MAPT: variants seen among roughly 807,000 people sequenced by gnomAD.
MAPT encodes the protein microtubule associated protein tau, also known as microtubule-associated protein tau.
MAPT carries 34 observed loss-of-function variants against 67.9 expected under a neutral mutation model. That is an observed-to-expected ratio of 0.50 (90% CI 0.38 to 0.67). MAPT has a LOEUF of 0.67. Among genes scored for constraint, MAPT ranks in the 30% least tolerant of loss-of-function variants. MAPT has a pLI of 0.00. For missense variants in MAPT, 881 were observed against 1,115.2 expected, an observed-to-expected ratio of 0.79 and a Z score of 2.99; for synonymous variants, 456 against 464.5, an observed-to-expected ratio of 0.98 and a Z score of 0.23.
intron 1 of MAPT, among the ~76,000 whole-genome samples, chr17:45,929,590 A>G (rs62061708): frequency 0.14 from 21,795 of 152,220 alleles, 2,119 homozygotes; most frequent in Middle Eastern, 0.22. Flanking sequence ...AAAAATGGTC[A>G]TCATCGCCAG....
At chr17:46,015,613 T>A (rs899374392) in intron 11 of MAPT, among the ~76,000 whole-genome samples, 5 of 149,788 alleles carry the variant, frequency 3.3e-5, no homozygotes, top group Non-Finnish European at 5.9e-5. Context: ...GAGCCGAGAT[T>A]GTGCCACTGC....
rs1397060945 is a variant in MAPT, at chr17:46,014,472, T to G, written c.2173+148T>G. The stretch of plus-strand genomic sequence containing the variant: ...CAAGGAAAGTGTTGAGTGTGAAACT[T>G]GCGGGAGCCCAGGAGGCGTGGTGGC... On this transcript the variant is annotated intron_variant, in intron 11 of 12. Coordinates refer to ENST00000262410, the MANE Select transcript of MAPT (RefSeq NM_001377265.1). 3 of 711,414 alleles carry G rather than the reference T, an allele frequency of 4.2e-6. No individual in the cohort carries two copies. In the East Asian group the frequency reaches 8.1e-5, roughly 19 times the overall value. The allele number at this position is 711,414 out of a possible 1,614,324, so 44.1% of individuals were successfully genotyped here. A position where few individuals can be genotyped will look rare whatever the true frequency, so the allele number is the denominator to read the frequency against.
chr17:45,934,685 C>T (rs962086937), intron 1 of MAPT, among the ~76,000 whole-genome samples: 2 of 152,334 alleles, frequency 1.3e-5, no homozygotes, highest in African/African-American at 2.4e-5. Flanking sequence ...AAATTCTGAA[C>T]CCTGCTGTCT....
intron 10 of MAPT, among the ~76,000 whole-genome samples, chr17:46,011,065 G>A (rs1384422689): frequency 6.6e-6 from 1 of 152,228 alleles, no homozygotes; most frequent in Non-Finnish European, 1.5e-5. Context: ...CCAGCGTTGA[G>A]GTGTGGCAGA....
chr17:45,939,758 G>T (rs62061727), intron 1 of MAPT, among the ~76,000 whole-genome samples: 21,827 of 152,152 alleles, frequency 0.14, 2,141 homozygotes, highest in Middle Eastern at 0.22. Flanking sequence ...AAGTCACAGA[G>T]CAGGAACAGC....
chr17:45,980,044 A>G (rs1405280747), intron 4 of MAPT: 1 of 152,162 alleles, frequency 6.6e-6, no homozygotes, highest in African/African-American at 2.4e-5. Flanking sequence ...TTCTTCTGTA[A>G]GTGTCCAGAG....
At chr17:45,904,058 A>AT (rs775510457) in intron 1 of MAPT, among the ~76,000 whole-genome samples, 42 of 14,990 alleles carry the variant, frequency 2.8e-3, no homozygotes, top group Non-Finnish European at 5.0e-3. Flanking sequence ...TATATTATAT[A>AT]TTATATATTA....
At position 46,027,391 on chromosome 17, in the gene MAPT, C is replaced by CA. The variant is rs1464026481; in HGVS notation, c.*3221dup. The stretch of plus-strand genomic sequence containing the variant: ...ACTCCTCCCCTCCCCTCACTTCTCC[C>CA]ACCTGCAGAGCCAGTGTCCTTGGGT... On this transcript the variant is annotated 3_prime_UTR_variant, in exon 13 of 13. Coordinates refer to ENST00000262410, the MANE Select transcript of MAPT (RefSeq NM_001377265.1). 6.5e-6 allele frequency: 1 copy of CA among 152,772 alleles called. No homozygotes were observed. Among genetic ancestry groups the CA allele is most frequent in the Non-Finnish European group, 1.5e-5 (1 of 68,120 alleles). The allele number at this position is 152,772 out of a possible 1,614,324, so 9.5% of individuals were successfully genotyped here. A position where few individuals can be genotyped will look rare whatever the true frequency, so the allele number is the denominator to read the frequency against.
chr17:45,965,225 T>A (rs2070928349), intron 2 of MAPT, among the ~76,000 whole-genome samples: 1 of 151,704 alleles, frequency 6.6e-6, no homozygotes, highest in South Asian at 2.1e-4. Flanking sequence ...AGGTCAGGAG[T>A]TCGAGACCAG....
Position 45,936,074 on chromosome 17 carries a change from G to A in MAPT, c.-17-26247G>A, listed in dbSNP as rs2067297155. On this transcript the variant is annotated intron_variant, in intron 1 of 12. Coordinates refer to ENST00000262410, the MANE Select transcript of MAPT (RefSeq NM_001377265.1). ...TTGCTCAGCATGAAGCCATGCGTGT[G>A]GTAGATCGGCAGAGTTCCATAACTT... Among the ~76,000 whole-genome samples, 2 of 152,216 alleles carry A rather than the reference G, an allele frequency of 1.3e-5. 1 individual carries two copies. The highest frequency in any genetic ancestry group is 4.1e-4 in the South Asian group (2 of 4,824).
chr17:45,943,564 ATCC>A (rs2068186826), intron 1 of MAPT, among the ~76,000 whole-genome samples: 2 of 151,642 alleles, frequency 1.3e-5, no homozygotes, highest in Non-Finnish European at 2.9e-5. Context: ...TTTCTTCCTA[ATCC>A]TCCTCTCCCC....
intron 1 of MAPT, among the ~76,000 whole-genome samples, chr17:45,931,438 T>G (rs1445309600): frequency 1.3e-5 from 2 of 152,174 alleles, no homozygotes; most frequent in African/African-American, 4.8e-5. Flanking sequence ...GCACAAGCAT[T>G]TATTAAATAG....
At position 46,024,246 on chromosome 17, in the gene MAPT, C is replaced by A; in HGVS notation, c.*75C>A. 1 of 1,327,708 alleles carries A rather than the reference C, an allele frequency of 7.5e-7. No individual in the cohort carries two copies. Among genetic ancestry groups the A allele is most frequent in the Non-Finnish European group, 1.1e-6 (1 of 938,846 alleles). The allele number at this position is 1,327,708 out of a possible 1,614,324, so 82.2% of individuals were successfully genotyped here. ...TGTGGAAAAAAAAAGAATAATGACC[C>A]GGCCCCCGCCCTCTGCCCCCAGCTG... On this transcript the variant is annotated 3_prime_UTR_variant, in exon 13 of 13. Transcript: ENST00000262410.
At chr17:45,913,698 T>C (rs370509320) in intron 1 of MAPT, among the ~76,000 whole-genome samples, 5 of 152,322 alleles carry the variant, frequency 3.3e-5, no homozygotes, top group Admixed American at 2.0e-4. Flanking sequence ...GTCTCCATCA[T>C]TTCATGTCCA....
chr17:45,952,183 C>T (rs959343798), intron 1 of MAPT, among the ~76,000 whole-genome samples: 2 of 152,196 alleles, frequency 1.3e-5, no homozygotes, highest in Non-Finnish European at 2.9e-5. Flanking sequence ...ATGGGAGTCC[C>T]AGGCCAAGAG....
intron 1 of MAPT, among the ~76,000 whole-genome samples, chr17:45,946,112 T>TTGCTCTGGTTTTC: frequency 6.6e-6 from 1 of 152,116 alleles, no homozygotes. Context: ...AGACAGTTTT[T>TTGCTCTGGTTTTC]TTTGCTCTGG....
intron 10 of MAPT, among the ~76,000 whole-genome samples, chr17:46,011,311 G>A (rs2075802643): frequency 1.3e-5 from 2 of 152,190 alleles, no homozygotes; most frequent in South Asian, 4.1e-4. Flanking sequence ...TGGGAGGATT[G>A]CCTGAGTCCG....
At chr17:45,941,717 T>TCCTTCCCTCCTTCCTTCCTTCCTG (rs2067992047) in intron 1 of MAPT, among the ~76,000 whole-genome samples, 1 of 88,380 alleles carries the variant, frequency 1.1e-5, no homozygotes, top group Non-Finnish European at 2.2e-5. Context: ...CTTCCTTCCT[T>TCCTTCCCTCCTTCCTTCCTTCCTG]CCTTCCTTCC....
intron 1 of MAPT, among the ~76,000 whole-genome samples, chr17:45,941,713 T>TCCTTCCTGCCTTTCTTCCTTCCTG (rs1555690496): frequency 9.0e-6 from 1 of 110,996 alleles, no homozygotes; most frequent in Non-Finnish European, 1.8e-5. Flanking sequence ...CTGCCTTCCT[T>TCCTTCCTGCCTTTCTTCCTTCCTG]CCTTCCTTCC....
Sources: gnomAD v4.1 joint callset for allele counts (sites outside exome capture counted in the v4.1 genomes callset) on GRCh38, gnomAD v4.1.1 for gene constraint, MANE v1.5 for transcripts, NCBI Gene and HGNC (gene_info 2026-07-23, HGNC 2026-07-21) for gene names.